UTRN: variants seen among roughly 807,000 people sequenced by gnomAD.
The protein encoded by UTRN is utrophin.
UTRN carries 283 observed loss-of-function variants against 463.9 expected under a neutral mutation model. The observed-to-expected ratio is 0.61, with a 90% CI of 0.55 to 0.67. The LOEUF is 0.67. Ranked by LOEUF, UTRN falls within the 30% of genes least tolerant of loss-of-function variation. UTRN has a pLI of 0.00. For synonymous variants in UTRN, 1,442 were observed against 1,431.5 expected (o/e 1.01, Z -0.17); for missense variants, 3,922 against 4,084.3 (o/e 0.96, Z 1.08).
intron 58 of UTRN, among the ~76,000 whole-genome samples, chr6:144,759,812 C>A (rs1184902238): frequency 3.3e-5 from 5 of 152,094 alleles, no homozygotes; most frequent in Non-Finnish European, 7.4e-5. Context: ...AGAAGGAATT[C>A]AGCCCTGCCA....
intron 51 of UTRN, among the ~76,000 whole-genome samples, chr6:144,630,783 A>G (rs1297804814): frequency 6.6e-6 from 1 of 152,122 alleles, no homozygotes; most frequent in East Asian, 1.9e-4. Context: ...AGTCCTGAAG[A>G]TTAGGCTTGA....
At chr6:144,344,286 G>C in intron 2 of UTRN, 2 of 1,304,098 alleles carry the variant, frequency 1.5e-6, no homozygotes, top group Non-Finnish European at 2.0e-6. Context: ...AGCTCTCCAG[G>C]CTTGCAAGCG....
At position 144,537,726 on chromosome 6, in the gene UTRN, T is replaced by C. The variant is rs746905783; in HGVS notation, c.6369+9T>C. On this transcript the variant is annotated intron_variant, in intron 44 of 74. Transcript: ENST00000367545. ...ACCTGCAAGAATTAAGAGTAAGTTG[T>C]TTATTTCTGTCTATATGCCTTTTGG... 4 of 1,607,076 alleles carry C rather than the reference T, an allele frequency of 2.5e-6. No homozygotes were observed. In the East Asian group the frequency reaches 9.1e-5, roughly 36 times the overall value.
At chr6:144,786,028 T>C (rs942436834) in intron 61 of UTRN, among the ~76,000 whole-genome samples, 5 of 152,174 alleles carry the variant, frequency 3.3e-5, no homozygotes, top group African/African-American at 7.2e-5. Flanking sequence ...CCAAAGATGG[T>C]ATAATTTTAT....
chr6:144,802,827 C>T (rs1777818237), intron 64 of UTRN, among the ~76,000 whole-genome samples: 1 of 152,008 alleles, frequency 6.6e-6, no homozygotes. Context: ...CTATCATTTT[C>T]CATTCGTATT....
At chr6:144,764,608 G>T (rs1793062972) in intron 58 of UTRN, among the ~76,000 whole-genome samples, 1 of 152,026 alleles carries the variant, frequency 6.6e-6, no homozygotes, top group African/African-American at 2.4e-5. Context: ...GAGGAAAAAA[G>T]ATATCTATAC....
At chr6:144,613,271 A>G (rs1459012664) in intron 51 of UTRN, among the ~76,000 whole-genome samples, 1 of 151,990 alleles carries the variant, frequency 6.6e-6, no homozygotes, top group Admixed American at 6.6e-5. Context: ...CAGATAGATA[A>G]GAGGATTTAT....
At chr6:144,532,847 G>C (rs1797188797) in intron 42 of UTRN, among the ~76,000 whole-genome samples, 3 of 152,124 alleles carry the variant, frequency 2.0e-5, no homozygotes. Context: ...CTATTTCCTT[G>C]TATTTTGCCT....
At chr6:144,580,579 C>T (rs79544880) in intron 51 of UTRN, among the ~76,000 whole-genome samples, 181 of 152,178 alleles carry the variant, frequency 1.2e-3, no homozygotes, top group African/African-American at 4.3e-3. Flanking sequence ...TTTCATTGCC[C>T]TGCTGCAAGG....
intron 53 of UTRN, among the ~76,000 whole-genome samples, chr6:144,709,952 C>T (rs1439538107): frequency 2.6e-5 from 4 of 152,070 alleles, no homozygotes; most frequent in Non-Finnish European, 5.9e-5. Context: ...ATTTCATTCC[C>T]CATCCATCCA....
At chr6:144,710,816 A>T (rs1211259719) in intron 53 of UTRN, among the ~76,000 whole-genome samples, 1 of 152,214 alleles carries the variant, frequency 6.6e-6, no homozygotes, top group African/African-American at 2.4e-5. Context: ...GTTATTTACC[A>T]CCTAGTATAA....
In UTRN at chr6:144,334,962, T is replaced by C. The variant is rs77104653; in HGVS notation, c.79+43055T>C. Among the ~76,000 whole-genome samples, 1,182 of 152,332 alleles carry C rather than the reference T, an allele frequency of 7.8e-3. 56 individuals carry two copies. The East Asian group carries it at 0.14, about 18-fold the overall frequency. On this transcript the variant is annotated intron_variant, in intron 2 of 74. Coordinates refer to ENST00000367545, the MANE Select transcript of UTRN (RefSeq NM_007124.3). ...TCAGTGAAAATAAATTGAACGAACT[T>C]TGAAGTTCAGAGATCTCTAAAAGTG... is the stretch of plus-strand genomic sequence containing the variant.
At chr6:144,758,036 T>G in intron 58 of UTRN, 47 bp downstream of exon 58, 2 of 1,542,144 alleles carry the variant, frequency 1.3e-6, no homozygotes, top group African/African-American at 2.7e-5. Flanking sequence ...AAATCATGTT[T>G]TATTGATAAC....
intron 53 of UTRN, among the ~76,000 whole-genome samples, chr6:144,708,654 A>G (rs1287743009): frequency 1.3e-5 from 2 of 152,170 alleles, no homozygotes; most frequent in African/African-American, 4.8e-5. Context: ...CTGAGCTGTG[A>G]ACTGCGCATT....
At chr6:144,751,689 GA>G in intron 55 of UTRN, 116 bp from the exon 56 acceptor site, 1 of 1,007,194 alleles carries the variant, frequency 9.9e-7, no homozygotes. Flanking sequence ...GTTTGGTTGA[GA>G]AAAATCTGTG....
intron 71 of UTRN, among the ~76,000 whole-genome samples, chr6:144,836,790 G>T (rs556968596): frequency 1.3e-5 from 2 of 152,302 alleles, no homozygotes; most frequent in African/African-American, 4.8e-5. Flanking sequence ...GTCCGCCTCA[G>T]CTCTGAACTG....
chr6:144,543,794 G>C (rs1485648045), intron 46 of UTRN, among the ~76,000 whole-genome samples: 1 of 151,366 alleles, frequency 6.6e-6, no homozygotes, highest in Non-Finnish European at 1.5e-5. Flanking sequence ...TTTGAAAAAA[G>C]TGATGACAGA....
chr6:144,791,249 T>C (rs1167511336), intron 62 of UTRN, among the ~76,000 whole-genome samples: 1 of 152,216 alleles, frequency 6.6e-6, no homozygotes, highest in African/African-American at 2.4e-5. Flanking sequence ...AGATCATTGG[T>C]ATCTGTCTGA....
chr6:144,801,790 G>A (rs4416688), intron 64 of UTRN, among the ~76,000 whole-genome samples: 5,399 of 152,196 alleles, frequency 0.035, 142 homozygotes, highest in South Asian at 0.074. Flanking sequence ...CCTTAGCTCT[G>A]TTTTCATGCA....
Sources: gnomAD v4.1 joint callset for allele counts (sites outside exome capture counted in the v4.1 genomes callset) on GRCh38, gnomAD v4.1.1 for gene constraint, MANE v1.5 for transcripts, NCBI Gene and HGNC (gene_info 2026-07-23, HGNC 2026-07-21) for gene names.